POMGNT1: variants seen among roughly 807,000 people sequenced by gnomAD.
The protein encoded by POMGNT1 is protein O-linked-mannose beta-1,2-N-acetylglucosaminyltransferase 1.
A neutral mutation model predicts 95.6 loss-of-function variants in POMGNT1; 67 were observed. That is an observed-to-expected ratio of 0.70 (90% CI 0.58 to 0.86). The LOEUF is 0.86. POMGNT1 is among the 40% of genes least tolerant of loss of function. POMGNT1 has a pLI of 0.00. For missense variants in POMGNT1, 719 were observed against 855.2 expected (o/e 0.84, Z 1.99); for synonymous variants, 298 against 317.9 (o/e 0.94, Z 0.66).
upstream of POMGNT1, chr1:46,203,385 C>T (rs1338326125): frequency 2.8e-6 from 4 of 1,433,238 alleles, no homozygotes; most frequent in East Asian, 5.4e-5. Flanking sequence ...GGAGCCGGTC[C>T]CCGGCGTCCG....
chr1:46,216,210 C>G (rs1474849150), intron 1 of POMGNT1, among the ~76,000 whole-genome samples: 1 of 151,852 alleles, frequency 6.6e-6, no homozygotes, highest in African/African-American at 2.4e-5. Context: ...CCTCGCCCAG[C>G]TAATTTTTTG....
At chr1:46,203,387 C>T (rs756928850), upstream of POMGNT1, 1 of 1,432,740 alleles carries the variant, frequency 7.0e-7, no homozygotes, top group Non-Finnish European at 9.2e-7. Flanking sequence ...AGCCGGTCCC[C>T]GGCGTCCGGT....
At chr1:46,203,210 C>T (rs1658601136), upstream of POMGNT1, 1 of 377,086 alleles carries the variant, frequency 2.7e-6, no homozygotes. Context: ...CCCAGCCCCA[C>T]GCAATCCAGG....
intron 17 of POMGNT1, 127 bp downstream of exon 17, chr1:46,191,971 A>C (rs563555743): frequency 7.0e-7 from 1 of 1,420,206 alleles, no homozygotes; most frequent in Non-Finnish European, 9.7e-7. Context: ...ACTGAGGCAA[A>C]AATAGGATAG....
At position 46,196,941 on chromosome 1, in the gene POMGNT1, C is replaced by T. The variant is rs760736760; in HGVS notation, c.235+29G>A. 5 of 1,614,182 alleles carry T rather than the reference C, an allele frequency of 3.1e-6. No homozygotes were observed. Among genetic ancestry groups the T allele is most frequent in the African/African-American group, 1.3e-5 (1 of 75,038 alleles). ...CCACTCCAGCTGTGAGATCCAAGGC[C>T]CCCTACCCCATCCTTAGCCTAGCCC... On this transcript the variant is annotated intron_variant, in intron 3 of 21. Coordinates refer to ENST00000371984, the MANE Select transcript of POMGNT1 (RefSeq NM_017739.4). The surrounding 1 kb of genome is among the most constrained non-coding windows in gnomAD (Gnocchi z 4.4).
intron 1 of POMGNT1, among the ~76,000 whole-genome samples, chr1:46,203,846 T>A (rs1012964832): frequency 6.6e-6 from 1 of 152,022 alleles, no homozygotes; most frequent in African/African-American, 2.4e-5. Context: ...TCCTGAGGAC[T>A]TGGGTTGGGA....
intron 1 of POMGNT1, among the ~76,000 whole-genome samples, chr1:46,215,852 G>A (rs1296909817): frequency 6.6e-6 from 1 of 151,964 alleles, no homozygotes; most frequent in Non-Finnish European, 1.5e-5. Flanking sequence ...AACCATGATT[G>A]TGCCACCACT....
At chr1:46,204,596 G>C (rs994555390) in intron 1 of POMGNT1, among the ~76,000 whole-genome samples, 2 of 152,186 alleles carry the variant, frequency 1.3e-5, no homozygotes, top group Non-Finnish European at 2.9e-5. Context: ...AATCATGGGG[G>C]CTCTGAGACC....
chr1:46,201,392 A>G (rs1488481324), upstream of POMGNT1, among the ~76,000 whole-genome samples: 1 of 152,008 alleles, frequency 6.6e-6, no homozygotes, highest in African/African-American at 2.4e-5. Flanking sequence ...ATGAACTAAA[A>G]AGAGTGATAG....
chr1:46,210,625 G>A (rs1051471103), intron 1 of POMGNT1, among the ~76,000 whole-genome samples: 5 of 152,116 alleles, frequency 3.3e-5, no homozygotes, highest in East Asian at 1.9e-4. Flanking sequence ...CACATTTACT[G>A]GTTTATTATA....
intron 1 of POMGNT1, chr1:46,203,737 A>G: frequency 1.0e-6 from 1 of 998,212 alleles, no homozygotes; most frequent in East Asian, 2.9e-5. Context: ...CTCTCCACCT[A>G]ACTGCTCAGA....
intron 1 of POMGNT1, among the ~76,000 whole-genome samples, chr1:46,205,382 C>T (rs1010758811): frequency 2.0e-5 from 3 of 152,124 alleles, no homozygotes; most frequent in Admixed American, 6.5e-5. Flanking sequence ...AAAGCAGGGC[C>T]ATGATTTGAA....
At chr1:46,212,170 T>G (rs541608689) in intron 1 of POMGNT1, among the ~76,000 whole-genome samples, 2 of 152,342 alleles carry the variant, frequency 1.3e-5, no homozygotes, top group African/African-American at 4.8e-5. Context: ...CAAAAAACAT[T>G]TACTGTGTTT....
At chr1:46,197,496 G>A in intron 2 of POMGNT1, 1 of 1,490,526 alleles carries the variant, frequency 6.7e-7, no homozygotes, top group East Asian at 2.5e-5. Context: ...TCCGTCAGAA[G>A]CTTAGAAGTT....
At position 46,219,693 on chromosome 1, in the gene POMGNT1, C is replaced by A. The variant is rs1022151437; in HGVS notation, c.-51+12G>T. On this transcript the variant is annotated intron_variant, in intron 1 of 22. Coordinates refer to the POMGNT1 transcript ENST00000371992. The stretch of plus-strand genomic sequence containing the variant: ...CTGGGACTAATTCCTTCTCCCACTC[C>A]CCCAGGCTTACCTGCGAGCCATCGA... 6 of 1,574,546 alleles carry A rather than the reference C, an allele frequency of 3.8e-6. No homozygotes were observed. In the African/African-American group the frequency reaches 8.1e-5, roughly 21 times the overall value.
At position 46,198,374 on chromosome 1, in the gene POMGNT1, G is replaced by A. The variant is rs1294151129; in HGVS notation, c.-89C>T. 1 of 152,614 alleles carries A rather than the reference G, an allele frequency of 6.6e-6. No homozygotes were observed. Among genetic ancestry groups the A allele is most frequent in the East Asian group, 1.9e-4 (1 of 5,158 alleles). The allele number at this position is 152,614 out of a possible 1,614,324, so 9.5% of individuals were successfully genotyped here. ...CGGGCCCCGCTCGGGCCCCGCTAGG[G>A]CCCTCACTGCTCGGCCCGGCTCGCC... is the stretch of plus-strand genomic sequence containing the variant. On this transcript the variant is annotated 5_prime_UTR_variant, in exon 1 of 22. Transcript: ENST00000371984.
upstream of POMGNT1, among the ~76,000 whole-genome samples, chr1:46,201,415 C>T (rs1313830086): frequency 5.3e-5 from 8 of 151,628 alleles, no homozygotes; most frequent in African/African-American, 1.9e-4. Context: ...ATATGTAGTG[C>T]CAGGCCGGGC....
In POMGNT1 at chr1:46,189,993, C is replaced by T. The variant is rs1557669478; in HGVS notation, c.1650-4G>A. The T allele has an allele frequency of 6.2e-7, 1 of 1,613,640 alleles. No individual in the cohort carries two copies. The highest frequency in any genetic ancestry group is 8.5e-7 in the Non-Finnish European group (1 of 1,179,936). ...GTGGTCCAGAACCTCAGCCTCACTGCAGTAGAGGGTGGGAGAATATAGCCA... is the reference window on the plus strand; with the variant it reads ...GTGGTCCAGAACCTCAGCCTCACTGTAGTAGAGGGTGGGAGAATATAGCCA... On this transcript the variant is annotated splice_region_variant and splice_polypyrimidine_tract_variant and intron_variant, in intron 19 of 21. Transcript: ENST00000371984.
chr1:46,195,221 A>G (rs1241528596), intron 6 of POMGNT1, among the ~76,000 whole-genome samples: 1 of 151,976 alleles, frequency 6.6e-6, no homozygotes, highest in East Asian at 1.9e-4. Flanking sequence ...TTCTTTTCCA[A>G]CCACTCTCCT....
Sources: gnomAD v4.1 joint callset for allele counts (sites outside exome capture counted in the v4.1 genomes callset) on GRCh38, gnomAD v4.1.1 for gene constraint, Gnocchi (gnomAD v3.1) non-coding constraint, MANE v1.5 for transcripts, NCBI Gene and HGNC (gene_info 2026-07-23, HGNC 2026-07-21) for gene names.